Variants in COL11A1 observed in about 807,000 individuals in gnomAD.
COL11A1 encodes the protein collagen type XI alpha 1 chain.
Under a neutral mutation model 265.2 loss-of-function variants are expected in COL11A1, and 74 were observed. The ratio of observed to expected loss-of-function variants is 0.28; its 90% CI spans 0.23 to 0.34. The LOEUF (loss-of-function observed/expected upper bound fraction) is 0.34, where lower values mean the gene tolerates loss of function less well. Among genes scored for constraint, COL11A1 ranks in the 10% least tolerant of loss-of-function variants. The pLI is 1.00. For missense variants in COL11A1, 2,165 were observed against 2,263.6 expected, an observed-to-expected ratio of 0.96 and a Z score of 0.88; for synonymous variants, 816 against 727.6, an observed-to-expected ratio of 1.12 and a Z score of -1.96.
intron 41 of COL11A1, 73 bp downstream of exon 41, chr1:102,961,793 G>T: frequency 7.4e-7 from 1 of 1,356,510 alleles, no homozygotes; most frequent in Non-Finnish European, 1.0e-6. Flanking sequence ...TGGAATCACA[G>T]CATGAGAGTA....
chr1:103,081,096 T>C (rs1337171617), intron 2 of COL11A1, among the ~76,000 whole-genome samples: 1 of 151,918 alleles, frequency 6.6e-6, no homozygotes, highest in Non-Finnish European at 1.5e-5. Context: ...GTGGAAATTA[T>C]ATGAGACTGT....
intron 15 of COL11A1, among the ~76,000 whole-genome samples, chr1:103,007,519 T>A (rs953603897): frequency 1.3e-5 from 2 of 152,072 alleles, no homozygotes; most frequent in African/African-American, 2.4e-5. Context: ...ATATAAATAA[T>A]TTTTATAATC....
chr1:102,907,659 C>T (rs750650125), intron 54 of COL11A1, among the ~76,000 whole-genome samples: 4 of 151,954 alleles, frequency 2.6e-5, no homozygotes, highest in South Asian at 2.1e-4. Flanking sequence ...TCCAGTTCAA[C>T]GTTATATACA....
At chr1:102,979,313 A>G in intron 32 of COL11A1, 69 bp downstream of exon 32, 2 of 1,332,060 alleles carry the variant, frequency 1.5e-6, no homozygotes, top group Non-Finnish European at 2.2e-6. Flanking sequence ...CTGGGAATAC[A>G]GGCACACACC....
At chr1:103,049,975 A>T (rs1196202081) in intron 4 of COL11A1, among the ~76,000 whole-genome samples, 2 of 152,116 alleles carry the variant, frequency 1.3e-5, no homozygotes, top group East Asian at 3.9e-4. Flanking sequence ...ATCAGCTGTT[A>T]ATCTGATGGG....
chr1:102,914,285 T>C, intron 52 of COL11A1, 67 bp downstream of exon 52: 1 of 1,268,050 alleles, frequency 7.9e-7, no homozygotes, highest in Non-Finnish European at 1.1e-6. Flanking sequence ...TTTTTTTCTT[T>C]ATTAACAATA....
At position 103,108,414 on chromosome 1, in the gene COL11A1, C is replaced by T; in HGVS notation, c.-236G>A. 1.6e-6 allele frequency: 1 copy of T among 608,256 alleles called. No homozygotes were observed. The highest frequency in any genetic ancestry group is 2.9e-6 in the Non-Finnish European group (1 of 342,608). The allele number at this position is 608,256 out of a possible 1,614,324, so 37.7% of individuals were successfully genotyped here. On this transcript the variant is annotated 5_prime_UTR_variant, in exon 1 of 67. Transcript: ENST00000370096. ...CCGGCCGGGACCCTCCGGCCGCGACCCTCTGATCCTTCCTCTGCCGGGCCC... is the reference window on the plus strand; with the variant it reads ...CCGGCCGGGACCCTCCGGCCGCGACTCTCTGATCCTTCCTCTGCCGGGCCC...
At chr1:103,062,963 C>T (rs1403928924) in intron 4 of COL11A1, among the ~76,000 whole-genome samples, 1 of 151,942 alleles carries the variant, frequency 6.6e-6, no homozygotes, top group Non-Finnish European at 1.5e-5. Context: ...TCACTCAACA[C>T]TATTTACATG....
Position 102,932,639 on chromosome 1 carries a change from G to C in COL11A1, c.3600+1810C>G, listed in dbSNP as rs578195182. Among the ~76,000 whole-genome samples the C allele has an allele frequency of 9.2e-5, 14 of 152,218 alleles. No individual in the cohort carries two copies. In the East Asian group the frequency reaches 2.7e-3, roughly 29 times the overall value. On this transcript the variant is annotated intron_variant, in intron 46 of 66. Transcript: ENST00000370096. ...ATTTCCTGAATCTGAACATTGGCCT[G>C]CCTTGCTAGATTGGGGAAGTTCTCC...
chr1:103,078,313 G>A (rs1672134915), intron 3 of COL11A1, among the ~76,000 whole-genome samples: 2 of 151,976 alleles, frequency 1.3e-5, no homozygotes, highest in African/African-American at 4.8e-5. Context: ...TGAACAGCAT[G>A]GCATGCACTT....
chr1:103,034,794 T>A (rs1668236721), intron 4 of COL11A1, among the ~76,000 whole-genome samples: 1 of 152,150 alleles, frequency 6.6e-6, no homozygotes, highest in African/African-American at 2.4e-5. Context: ...AGTATTTTTG[T>A]TGAAAGTTGA....
At chr1:103,073,000 A>G (rs1413341960) in intron 4 of COL11A1, among the ~76,000 whole-genome samples, 1 of 151,816 alleles carries the variant, frequency 6.6e-6, no homozygotes, top group Non-Finnish European at 1.5e-5. Context: ...ACTACACTTA[A>G]TAGTAAATAA....
chr1:102,990,081 A>T (rs1663980316), intron 28 of COL11A1, among the ~76,000 whole-genome samples: 1 of 152,188 alleles, frequency 6.6e-6, no homozygotes, highest in South Asian at 2.1e-4. Flanking sequence ...GCCACTAAAA[A>T]AGCTGAGGTG....
chr1:103,031,781 T>A (rs1216530586), intron 4 of COL11A1, among the ~76,000 whole-genome samples: 1 of 151,006 alleles, frequency 6.6e-6, no homozygotes, highest in African/African-American at 2.4e-5. Flanking sequence ...CAAAGATGAA[T>A]GAGAAATGAA....
At chr1:103,005,321 A>C (rs183682636) in intron 18 of COL11A1, among the ~76,000 whole-genome samples, 3 of 152,268 alleles carry the variant, frequency 2.0e-5, no homozygotes, top group Admixed American at 2.0e-4. Flanking sequence ...AAAATTATCT[A>C]CTGGAATACT....
intron 1 of COL11A1, among the ~76,000 whole-genome samples, chr1:103,094,414 A>G (rs1673576066): frequency 6.6e-6 from 1 of 152,176 alleles, no homozygotes; most frequent in African/African-American, 2.4e-5. Context: ...AAATTAAAGC[A>G]AACAGTGGAG....
In COL11A1 at chr1:102,898,747, A is replaced by G. The variant is rs754697310; in HGVS notation, c.4167T>C (p.Pro1389=). Residue 1389 remains proline, a synonymous_variant, in exon 56 of 67, where the codon CCT becomes CCC. Coordinates refer to ENST00000370096, the MANE Select transcript of COL11A1 (RefSeq NM_001854.4). ...AKGEAGAEGP[P]GKTGPVGPQG... ...GAGGACCGACTGGGCCGGTTTTTCC[A>G]GGAGGACCTTCTGCACCTGCTTCCC... The G allele has an allele frequency of 1.2e-6, 2 of 1,613,234 alleles. No individual in the cohort carries two copies. The highest frequency in any genetic ancestry group is 2.2e-5 in the South Asian group (2 of 91,052).
At chr1:103,092,268 C>T (rs948094778) in intron 1 of COL11A1, among the ~76,000 whole-genome samples, 45 of 152,042 alleles carry the variant, frequency 3.0e-4, no homozygotes, top group Non-Finnish European at 4.9e-4. Flanking sequence ...ATTTAAAACA[C>T]ATTTTTGGAG....
intron 4 of COL11A1, among the ~76,000 whole-genome samples, chr1:103,038,720 A>G (rs1668574965): frequency 6.6e-6 from 1 of 152,222 alleles, no homozygotes; most frequent in Admixed American, 6.5e-5. Context: ...CTTTGACAGC[A>G]AAAGGGAGGA....
Sources: allele counts gnomAD v4.1 joint callset (sites outside exome capture counted in the v4.1 genomes callset), GRCh38; gene constraint gnomAD v4.1.1; transcripts MANE v1.5; gene names NCBI Gene and HGNC (gene_info 2026-07-23, HGNC 2026-07-21).